Variants in UTRN observed in about 807,000 individuals in gnomAD.
The protein encoded by UTRN is utrophin.
In UTRN, 283 loss-of-function variants were observed where a neutral mutation model predicts 463.9. The ratio of observed to expected loss-of-function variants is 0.61; its 90% CI spans 0.55 to 0.67. The LOEUF (loss-of-function observed/expected upper bound fraction) is 0.67, where lower values mean the gene tolerates loss of function less well. Among genes scored for constraint, UTRN ranks in the 30% least tolerant of loss-of-function variants. The pLI, the probability that UTRN is intolerant of heterozygous loss-of-function variation, is 0.00. For missense variants in UTRN, 3,922 were observed against 4,084.3 expected (o/e 0.96, Z 1.08); for synonymous variants, 1,442 against 1,431.5 (o/e 1.01, Z -0.17).
At position 144,421,846 on chromosome 6, in the gene UTRN, C is replaced by A. The variant is rs543505069; in HGVS notation, c.142-32C>A. The A allele has an allele frequency of 1.7e-5, 26 of 1,573,628 alleles. No homozygotes were observed. The African/African-American group carries it at 2.0e-4, about 12-fold the overall frequency. On this transcript the variant is annotated intron_variant, in intron 3 of 74. Transcript: ENST00000367545. ...ATATGGAGTTTCTGCTGTTGGCATA[C>A]CCCATATTTTATTTGTGTTTTTCTT...
intron 58 of UTRN, among the ~76,000 whole-genome samples, chr6:144,759,520 G>C (rs1483871832): frequency 1.3e-5 from 2 of 151,982 alleles, no homozygotes; most frequent in Non-Finnish European, 2.9e-5. Context: ...CATAATCCCT[G>C]GAACCTGTGA....
Position 144,836,524 on chromosome 6 carries a change from C to T in UTRN, c.10048C>T (p.Arg3350Ter), listed in dbSNP as rs1278941814. The stretch of plus-strand genomic sequence containing the variant: ...GCTGGAGTCTCAGCTCCACCGCCTC[C>T]GACAGCTGCTGGAGCAGGTAGGGTG... ...KQLESQLHRL[R>*]QLLEQPESDS... is the part of the protein sequence containing the mutation. Residue 3350 changes from arginine (R) to a stop codon, truncating the protein, a stop_gained, in exon 71 of 75, where the codon CGA (arginine) becomes TGA (stop). Transcript: ENST00000367545. LOFTEE classifies it high-confidence loss of function. 3.1e-6 allele frequency: 5 copies of T among 1,613,660 alleles called. No individual in the cohort carries two copies. The highest frequency in any genetic ancestry group is 4.2e-6 in the Non-Finnish European group (5 of 1,179,942).
intron 61 of UTRN, among the ~76,000 whole-genome samples, chr6:144,787,656 G>A (rs892326081): frequency 2.6e-5 from 4 of 152,108 alleles, no homozygotes; most frequent in African/African-American, 9.7e-5. Context: ...ATCAATTAGT[G>A]TAAGTAGTAA....
intron 54 of UTRN, among the ~76,000 whole-genome samples, chr6:144,745,797 A>G (rs1180603235): frequency 6.6e-6 from 1 of 152,136 alleles, no homozygotes; most frequent in Non-Finnish European, 1.5e-5. Context: ...TGAAATGAGT[A>G]GTGTATTTCT....
chr6:144,359,313 G>T (rs1778836290), intron 2 of UTRN, among the ~76,000 whole-genome samples: 1 of 152,196 alleles, frequency 6.6e-6, no homozygotes, highest in Non-Finnish European at 1.5e-5. Context: ...TCTTGCAGGG[G>T]CAAAACCACT....
intron 53 of UTRN, among the ~76,000 whole-genome samples, chr6:144,700,778 G>T (rs994233784): frequency 1.3e-5 from 2 of 151,324 alleles, no homozygotes; most frequent in African/African-American, 4.9e-5. Flanking sequence ...CTGTCACCCA[G>T]GTTGGAGTGC....
At chr6:144,555,722 T>C (rs920591507) in intron 49 of UTRN, among the ~76,000 whole-genome samples, 1 of 152,206 alleles carries the variant, frequency 6.6e-6, no homozygotes, top group Non-Finnish European at 1.5e-5. Flanking sequence ...CATCTGATCT[T>C]GTGAGAACTC....
intron 2 of UTRN, among the ~76,000 whole-genome samples, chr6:144,365,685 A>AT (rs1456556061): frequency 3.3e-5 from 5 of 152,120 alleles, no homozygotes; most frequent in Non-Finnish European, 5.9e-5. Flanking sequence ...TACTTAAGGT[A>AT]TTTTTTTGGT....
At chr6:144,655,365 G>A (rs1012754609) in intron 51 of UTRN, among the ~76,000 whole-genome samples, 4 of 152,250 alleles carry the variant, frequency 2.6e-5, no homozygotes, top group Non-Finnish European at 5.9e-5. Flanking sequence ...CTCAGATCAC[G>A]ATTAGGGTCT....
intron 58 of UTRN, among the ~76,000 whole-genome samples, chr6:144,768,948 G>GTTTTTTTTTTTT (rs35525101): frequency 4.0e-5 from 5 of 126,024 alleles, no homozygotes; most frequent in African/African-American, 1.3e-4. Context: ...TTTGTTTTTT[G>GTTTTTTTTTTTT]TTTTGTTTTG....
At chr6:144,524,081 GAC>G (rs1474618441) in intron 41 of UTRN, among the ~76,000 whole-genome samples, 1 of 152,176 alleles carries the variant, frequency 6.6e-6, no homozygotes, top group Admixed American at 6.5e-5. Context: ...TAACTTGAGA[GAC>G]ATACGCACAA....
intron 19 of UTRN, among the ~76,000 whole-genome samples, chr6:144,456,838 A>G (rs992648348): frequency 3.9e-5 from 6 of 152,086 alleles, no homozygotes; most frequent in African/African-American, 1.2e-4. Flanking sequence ...TTATGAATCA[A>G]TGCCCATTGT....
intron 52 of UTRN, among the ~76,000 whole-genome samples, chr6:144,683,690 G>T (rs560051073): frequency 6.6e-6 from 1 of 151,782 alleles, no homozygotes; most frequent in Non-Finnish European, 1.5e-5. Flanking sequence ...TGCCTACTTC[G>T]CTTGAAACTC....
At chr6:144,840,969 G>A (rs183688614) in intron 73 of UTRN, 137 bp downstream of exon 73, 3 of 915,410 alleles carry the variant, frequency 3.3e-6, no homozygotes, top group African/African-American at 3.3e-5. Flanking sequence ...TTGAAAATAA[G>A]GCAAACATTA....
intron 52 of UTRN, among the ~76,000 whole-genome samples, chr6:144,699,472 G>GTTTT (rs1210591375): frequency 1.4e-5 from 1 of 71,080 alleles, no homozygotes; most frequent in Non-Finnish European, 2.5e-5. Context: ...ATTAGTCAGT[G>GTTTT]GTTTTTTTTT....
In UTRN at chr6:144,550,870, A is replaced by G. The variant is rs575658278; in HGVS notation, c.6811-95A>G. On this transcript the variant is annotated intron_variant, in intron 47 of 74. Coordinates refer to ENST00000367545, the MANE Select transcript of UTRN (RefSeq NM_007124.3). ...GCTTCACTATGCCATAGAGGAGGAA[A>G]ACAACGACAACTTTGATGTCAGCAC... 2.2e-5 allele frequency: 24 copies of G among 1,111,082 alleles called. No homozygotes were observed. In the African/African-American group the frequency reaches 3.0e-4, roughly 14 times the overall value. 68.8% of individuals were successfully genotyped at this position (1,111,082 alleles called of 1,614,324 possible).
chr6:144,470,601 C>G (rs895932338), intron 23 of UTRN, among the ~76,000 whole-genome samples: 1 of 151,480 alleles, frequency 6.6e-6, no homozygotes, highest in South Asian at 2.1e-4. Flanking sequence ...CGGGCAGAGA[C>G]GCTCCTCACT....
chr6:144,698,313 TG>T (rs1784225182), intron 52 of UTRN, among the ~76,000 whole-genome samples: 1 of 152,184 alleles, frequency 6.6e-6, no homozygotes, highest in Non-Finnish European at 1.5e-5. Flanking sequence ...TGAGTTCAAT[TG>T]TAGCACCTGT....
chr6:144,603,058 C>T (rs1804430514), intron 51 of UTRN, among the ~76,000 whole-genome samples: 1 of 152,066 alleles, frequency 6.6e-6, no homozygotes, highest in East Asian at 1.9e-4. Flanking sequence ...TTAGAATTGT[C>T]TTTTATAGAA....
Sources: allele counts gnomAD v4.1 joint callset (sites outside exome capture counted in the v4.1 genomes callset), GRCh38; gene constraint gnomAD v4.1.1; transcripts MANE v1.5; gene names NCBI Gene and HGNC (gene_info 2026-07-23, HGNC 2026-07-21).